The following PI4KA variants were observed in gnomAD, a reference collection of about 807,000 sequenced individuals.
The protein encoded by PI4KA is phosphatidylinositol 4-kinase alpha, also known as PI4-kinase alpha.
PI4KA carries 122 observed loss-of-function variants against 271.4 expected under a neutral mutation model. The observed-to-expected ratio is 0.45, with a 90% confidence interval of 0.39 to 0.52. The LOEUF is 0.52. PI4KA is among the 20% of genes least tolerant of loss of function. The pLI is 0.00. For synonymous variants in PI4KA, 1,041 were observed against 1,078.8 expected (o/e 0.96, Z 0.69); for missense variants, 1,969 against 2,769.1 (o/e 0.71, Z 6.48).
chr22:20,749,495 GT>G (rs1027105467), intron 28 of PI4KA, among the ~76,000 whole-genome samples: 8 of 152,282 alleles, frequency 5.3e-5, no homozygotes, highest in Admixed American at 5.2e-4. Flanking sequence ...TGGGACACAA[GT>G]CCCCAACTCT....
chr22:20,724,537 G>A (rs1927122898), intron 42 of PI4KA, among the ~76,000 whole-genome samples: 1 of 151,776 alleles, frequency 6.6e-6, no homozygotes, highest in Non-Finnish European at 1.5e-5. Context: ...GAATCTGGGA[G>A]GCAGAGGCTG....
At chr22:20,733,134 C>A in intron 35 of PI4KA, 36 bp from the exon 36 acceptor site, 2 of 1,611,574 alleles carry the variant, frequency 1.2e-6, no homozygotes, top group South Asian at 2.2e-5. Flanking sequence ...GGCTGAGTGT[C>A]TGGAGTCAGG....
At chr22:20,770,755 T>C (rs748444784) in intron 19 of PI4KA, among the ~76,000 whole-genome samples, 5 of 152,006 alleles carry the variant, frequency 3.3e-5, no homozygotes, top group Non-Finnish European at 7.4e-5. Context: ...TTTTGAAAGT[T>C]TGAAGTTATT....
chr22:20,853,484 A>G (rs563676062), intron 1 of PI4KA, among the ~76,000 whole-genome samples: 294 of 152,336 alleles, frequency 1.9e-3, no homozygotes, highest in Non-Finnish European at 2.4e-3. Flanking sequence ...AGCCAACTGT[A>G]TATGGAGATC....
intron 44 of PI4KA, 38 bp downstream of exon 44, chr22:20,718,655 G>T: frequency 6.6e-7 from 1 of 1,506,416 alleles, no homozygotes; most frequent in Non-Finnish European, 9.2e-7. Flanking sequence ...GGACTGGAAG[G>T]AGATCCCAGA....
intron 28 of PI4KA, among the ~76,000 whole-genome samples, chr22:20,749,585 TGCCATCTGGCA>T (rs555517679): frequency 0.012 from 1,864 of 152,374 alleles, 18 homozygotes; most frequent in Admixed American, 0.019. Context: ...TTAGAGATGC[TGCCATCTGGCA>T]GCCTCCCACA....
chr22:20,736,888 C>T (rs1568970985), intron 32 of PI4KA: 1 of 153,452 alleles, frequency 6.5e-6, no homozygotes, highest in Non-Finnish European at 1.5e-5. Flanking sequence ...AGGGACCTCG[C>T]TGACATCTAC....
At chr22:20,744,316 G>A (rs112408584) in intron 30 of PI4KA, among the ~76,000 whole-genome samples, 83 of 152,258 alleles carry the variant, frequency 5.5e-4, no homozygotes, top group African/African-American at 1.9e-3. Context: ...ACATCTTACC[G>A]AGTGCCCAAG....
intron 22 of PI4KA, 62 bp downstream of exon 22, chr22:20,764,754 AC>A: frequency 1.1e-5 from 17 of 1,512,696 alleles, no homozygotes; most frequent in Non-Finnish European, 1.5e-5. Flanking sequence ...TTACGAGGGC[AC>A]AAAAATGAAA....
chr22:20,743,932 T>C (rs1168991750), intron 30 of PI4KA, among the ~76,000 whole-genome samples: 1 of 152,082 alleles, frequency 6.6e-6, no homozygotes, highest in African/African-American at 2.4e-5. Context: ...TGGGTGCCTG[T>C]AGTCCCAGCT....
chr22:20,819,558 A>C, intron 6 of PI4KA, 83 bp downstream of exon 6: 1 of 1,286,890 alleles, frequency 7.8e-7, no homozygotes, highest in Non-Finnish European at 1.1e-6. Context: ...GTTTACTCCA[A>C]CTACAAAGAA....
chr22:20,711,598 A>G, intron 50 of PI4KA, 137 bp from the exon 51 acceptor site: 1 of 945,462 alleles, frequency 1.1e-6, no homozygotes, highest in African/African-American at 1.6e-5. Context: ...AGCCCGAATC[A>G]GCAAGCCAGT....
chr22:20,853,004 A>C (rs544457213), intron 1 of PI4KA, among the ~76,000 whole-genome samples: 2 of 152,336 alleles, frequency 1.3e-5, no homozygotes, highest in Non-Finnish European at 2.9e-5. Context: ...TGGGCGGCCA[A>C]GAAAAGAGAA....
At chr22:20,732,605 T>C (rs1601357304) in intron 36 of PI4KA, among the ~76,000 whole-genome samples, 1 of 152,228 alleles carries the variant, frequency 6.6e-6, no homozygotes, top group East Asian at 1.9e-4. Flanking sequence ...TCCATTTGAC[T>C]GCCTCCTACA....
intron 10 of PI4KA, 85 bp downstream of exon 10, chr22:20,807,277 T>C (rs1935713232): frequency 2.5e-6 from 2 of 807,156 alleles, no homozygotes; most frequent in South Asian, 1.5e-5. Flanking sequence ...AGAAAGTGAG[T>C]ACCAGTCTGC....
chr22:20,725,987 T>C (rs1273985275), intron 42 of PI4KA, among the ~76,000 whole-genome samples: 1 of 152,008 alleles, frequency 6.6e-6, no homozygotes, highest in Non-Finnish European at 1.5e-5. Flanking sequence ...CTTGGACTTC[T>C]GGCCTCCAGA....
rs561842645 is a variant in PI4KA at position 20,801,834 on chromosome 22, C to A, written c.1724+139G>T. 1.3e-5 allele frequency: 12 copies of A among 889,488 alleles called. No individual in the cohort carries two copies. The South Asian group carries it at 1.8e-4, about 13-fold the overall frequency. 55.1% of individuals were successfully genotyped at this position (889,488 alleles called of 1,614,324 possible). On this transcript the variant is annotated intron_variant, in intron 14 of 54. Transcript: ENST00000255882. ...CCAGGAGGCAGAGGTAGCAGTGAGC[C>A]GAGATTGTGCCACTGCATTCCAGCC... is the stretch of plus-strand genomic sequence containing the variant.
intron 19 of PI4KA, among the ~76,000 whole-genome samples, chr22:20,770,629 CACAA>C (rs1250454940): frequency 5.0e-5 from 6 of 120,400 alleles, no homozygotes; most frequent in African/African-American, 1.3e-4. Flanking sequence ...CACACACACA[CACAA>C]GCTGGACACA....
rs146203260 is a variant in PI4KA at position 20,779,757 on chromosome 22, G to A, written c.2328+13436C>T. The A allele has an allele frequency of 3.2e-5, 52 of 1,614,180 alleles. No individual in the cohort carries two copies. Among genetic ancestry groups the A allele is most frequent in the Middle Eastern group, 1.6e-4 (1 of 6,062 alleles). ...GCTGAAAGACCAGGTCAACACTTTC[G>A]ATAACATCTTCATAGCACCCGTTGG... is the stretch of plus-strand genomic sequence containing the variant. On this transcript the variant is annotated intron_variant, in intron 19 of 54. Transcript: ENST00000255882.
Sources: allele counts gnomAD v4.1 joint callset (sites outside exome capture counted in the v4.1 genomes callset), GRCh38; gene constraint gnomAD v4.1.1; transcripts MANE v1.5; gene names NCBI Gene and HGNC (gene_info 2026-07-23, HGNC 2026-07-21).